RYR2: variants seen among roughly 807,000 people sequenced by gnomAD.
RYR2 encodes cardiac muscle ryanodine receptor-calcium release channel.
Under a neutral mutation model 601.1 loss-of-function variants are expected in RYR2, and 227 were observed. The observed-to-expected ratio is 0.38, with a 90% CI of 0.34 to 0.42. The LOEUF (loss-of-function observed/expected upper bound fraction) is 0.42. RYR2 is among the 10% of genes least tolerant of loss of function. The probability of loss-of-function intolerance (pLI) is 1.00; values close to 1 mark genes in which losing one functional copy is unlikely to be tolerated. For synonymous variants in RYR2, 2,223 were observed against 2,175.1 expected (o/e 1.02, Z -0.61); for missense variants, 4,646 against 6,156.5 (o/e 0.75, Z 8.21).
chr1:237,788,767 A>G (rs1312155701), intron 92 of RYR2, among the ~76,000 whole-genome samples: 2 of 152,158 alleles, frequency 1.3e-5, no homozygotes, highest in Admixed American at 6.5e-5. Context: ...GTGTTCCCCT[A>G]ATTAGTAAAG....
intron 1 of RYR2, among the ~76,000 whole-genome samples, chr1:237,090,715 C>G (rs573864537): frequency 6.6e-6 from 1 of 152,176 alleles, no homozygotes; most frequent in African/African-American, 2.4e-5. Flanking sequence ...GACTGAATGA[C>G]TGACTGTCCT....
intron 17 of RYR2, among the ~76,000 whole-genome samples, chr1:237,482,381 A>C (rs1361984077): frequency 6.6e-6 from 1 of 151,936 alleles, no homozygotes. Context: ...TCTGGTAACT[A>C]TCCTTCTACT....
intron 100 of RYR2, among the ~76,000 whole-genome samples, chr1:237,811,369 G>A (rs1196055351): frequency 6.6e-6 from 1 of 152,122 alleles, no homozygotes; most frequent in African/African-American, 2.4e-5. Flanking sequence ...AAGTTTTTCT[G>A]TATTTAAAAC....
At chr1:237,615,389 G>A (rs1167685869) in intron 37 of RYR2, among the ~76,000 whole-genome samples, 1 of 151,852 alleles carries the variant, frequency 6.6e-6, no homozygotes, top group Non-Finnish European at 1.5e-5. Context: ...ATGAGGTCTC[G>A]CTCTATTGCC....
Position 237,327,842 on chromosome 1 carries a change from TAGGGA to T in RYR2, c.169-3032_169-3028del, listed in dbSNP as rs558177161. Among the ~76,000 whole-genome samples, 287 of 152,338 alleles carry T rather than the reference TAGGGA, an allele frequency of 1.9e-3. 1 individual carries two copies. Among genetic ancestry groups the T allele is most frequent in the African/African-American group, 6.5e-3 (271 of 41,572 alleles). Reference sequence around the variant, plus strand: ...GGTATAATTATTATCCAATTTTTTTTAGGGAAGGAAACCAAAGATTATAAAAGTTA... The same window carrying T: ...GGTATAATTATTATCCAATTTTTTTTAGGAAACCAAAGATTATAAAAGTTA... On this transcript the variant is annotated intron_variant, in intron 2 of 104. Coordinates refer to ENST00000366574, the MANE Select transcript of RYR2 (RefSeq NM_001035.3).
At chr1:237,096,900 G>A (rs1261708599) in intron 1 of RYR2, among the ~76,000 whole-genome samples, 1 of 152,120 alleles carries the variant, frequency 6.6e-6, no homozygotes, top group Non-Finnish European at 1.5e-5. Context: ...TAGAAATCCT[G>A]CACCTTGAAG....
Position 237,469,154 on chromosome 1 carries a change from A to G in RYR2, c.1675A>G (p.Ile559Val), listed in dbSNP as rs773609522. Residue 559 changes from isoleucine to valine, a missense_variant, in exon 17 of 105, where the codon ATC (isoleucine) becomes GTC (valine). Transcript: ENST00000366574. ...AQFSGSLDWL[I>V]SRLERLEASS... ...ATTTTCTGGCTCCCTCGACTGGTTG[A>G]TCAGCAGATTGGAAAGACTGGAAGC... 10 of 1,610,084 alleles carry G rather than the reference A, an allele frequency of 6.2e-6. No homozygotes were observed. In the South Asian group the frequency reaches 6.6e-5, roughly 11 times the overall value.
At chr1:237,694,778 A>G (rs1350896359) in intron 63 of RYR2, among the ~76,000 whole-genome samples, 4 of 152,194 alleles carry the variant, frequency 2.6e-5, no homozygotes, top group Non-Finnish European at 5.9e-5. Flanking sequence ...TCACCAAATT[A>G]GGGAACCAAT....
rs73101903 is a variant in RYR2, at chr1:237,713,306, A to G, written c.10323+1469A>G. Among the ~76,000 whole-genome samples the G allele has an allele frequency of 2.9e-3, 445 of 152,324 alleles. 3 individuals are homozygous for G. Among genetic ancestry groups the G allele is most frequent in the African/African-American group, 9.5e-3 (395 of 41,572 alleles). On this transcript the variant is annotated intron_variant, in intron 71 of 104. Transcript: ENST00000366574. ...TTTGCTCTTATTTGCAAGAAGAAAAAAGGGGAGTAATAGATAAGAACCTCT... is the reference window on the plus strand; with the variant it reads ...TTTGCTCTTATTTGCAAGAAGAAAAGAGGGGAGTAATAGATAAGAACCTCT...
At chr1:237,548,693 A>G in intron 26 of RYR2, 103 bp downstream of exon 26, 3 of 1,361,158 alleles carry the variant, frequency 2.2e-6, no homozygotes, top group Non-Finnish European at 2.0e-6. Context: ...CTTGTATCAT[A>G]TAGATCACAT....
intron 84 of RYR2, among the ~76,000 whole-genome samples, chr1:237,762,947 G>T (rs899642488): frequency 1.3e-5 from 2 of 152,032 alleles, no homozygotes; most frequent in Non-Finnish European, 2.9e-5. Context: ...TTGTTTATTT[G>T]CTCCTTTATT....
intron 11 of RYR2, among the ~76,000 whole-genome samples, chr1:237,418,043 A>ATTT (rs1705188779): frequency 6.6e-6 from 1 of 151,286 alleles, no homozygotes; most frequent in African/African-American, 2.4e-5. Context: ...TTAATTAATT[A>ATTT]ATTTATTTAT....
intron 34 of RYR2, among the ~76,000 whole-genome samples, chr1:237,596,592 G>A (rs184652046): frequency 1.3e-4 from 20 of 152,188 alleles, no homozygotes; most frequent in African/African-American, 4.1e-4. Context: ...CACAGAAAAC[G>A]TTTAACAAAA....
At position 237,089,600 on chromosome 1, in the gene RYR2, C is replaced by T. The variant is rs563570100; in HGVS notation, c.48+47031C>T. Reference sequence around the variant, plus strand: ...TATTGCCAGCCTCCCTTGAGGGATACAGTGAAATCCACACTACTTTTAGCC... The same window carrying T: ...TATTGCCAGCCTCCCTTGAGGGATATAGTGAAATCCACACTACTTTTAGCC... On this transcript the variant is annotated intron_variant, in intron 1 of 104. Coordinates refer to ENST00000366574, the MANE Select transcript of RYR2 (RefSeq NM_001035.3). Among the ~76,000 whole-genome samples, 21 of 152,306 alleles carry T rather than the reference C, an allele frequency of 1.4e-4. 1 individual carries two copies. The South Asian group carries it at 4.3e-3, about 32-fold the overall frequency.
Position 237,522,775 on chromosome 1 carries a change from T to G in RYR2, c.2823-7652T>G, listed in dbSNP as rs993857224. ...ATTTGCTTCCTAACAGTCTGTTTAC[T>G]TTTCTGCAGCTATATAGTTTAAGTA... is the stretch of plus-strand genomic sequence containing the variant. On this transcript the variant is annotated intron_variant, in intron 24 of 104. Coordinates refer to ENST00000366574, the MANE Select transcript of RYR2 (RefSeq NM_001035.3). Among the ~76,000 whole-genome samples the G allele has an allele frequency of 3.9e-5, 6 of 152,224 alleles. No individual in the cohort carries two copies. In the South Asian group the frequency reaches 1.2e-3, roughly 31 times the overall value.
rs891701985 is a variant in RYR2, at chr1:237,684,788, T to TAA, written c.9018-2666_9018-2665dup. Among the ~76,000 whole-genome samples, 21 of 151,692 alleles carry TAA rather than the reference T, an allele frequency of 1.4e-4. No individual in the cohort carries two copies. The South Asian group carries it at 2.7e-3, about 20-fold the overall frequency. On this transcript the variant is annotated intron_variant, in intron 62 of 104. Transcript: ENST00000366574. ...ATCTGAACACATATATATATATATA[T>TAA]AATGCTTGAAGCTCCGAGGAAGTAG...
intron 17 of RYR2, among the ~76,000 whole-genome samples, chr1:237,481,698 A>G (rs866039035): frequency 1.3e-5 from 2 of 151,972 alleles, no homozygotes; most frequent in Admixed American, 1.3e-4. Flanking sequence ...GAAAAAAACA[A>G]CAGATTTGTG....
In RYR2 at chr1:237,798,124, G is replaced by A; in HGVS notation, c.14044G>A (p.Ala4682Thr). ...MDKAALDFSD[A>T]REKKKPKKDS... is the part of the protein sequence containing the mutation. ...CAAGGCAGCTCTGGACTTCAGTGAT[G>A]CCAGAGAAAAGAAGAAGCCAAAGAA... The change falls in exon 97 of 105, where the codon GCC becomes ACC. Residue 4682 changes from alanine to threonine, a missense_variant. Ala to Thr is a moderately conservative substitution (Grantham distance 58). Around this residue, in one of 17 missense-constraint regions of RYR2, gnomAD observed 76 missense variants for 97.4 expected, o/e 0.78. Coordinates refer to ENST00000366574, the MANE Select transcript of RYR2 (RefSeq NM_001035.3). The A allele has an allele frequency of 1.2e-6, 2 of 1,612,082 alleles. No individual in the cohort carries two copies. The highest frequency in any genetic ancestry group is 1.7e-6 in the Non-Finnish European group (2 of 1,178,994).
At chr1:237,498,522 A>G (rs1335113300) in intron 20 of RYR2, among the ~76,000 whole-genome samples, 3 of 152,168 alleles carry the variant, frequency 2.0e-5, no homozygotes, top group African/African-American at 7.2e-5. Context: ...TAAGTACTCA[A>G]ATGAATAAAT....
Sources: allele counts gnomAD v4.1 joint callset (sites outside exome capture counted in the v4.1 genomes callset), GRCh38; gene constraint gnomAD v4.1.1; regional missense constraint gnomAD v4.1.1; transcripts MANE v1.5; gene names NCBI Gene and HGNC (gene_info 2026-07-23, HGNC 2026-07-21).